Variants in RDM1 observed in about 807,000 individuals in gnomAD.
RDM1 encodes the protein RAD52 motif containing 1.
RDM1 carries 28 observed loss-of-function variants against 27.7 expected under a neutral mutation model. The observed-to-expected ratio is 1.01, with a 90% CI of 0.75 to 1.39. The LOEUF is 1.39. Ranked by LOEUF, RDM1 falls within the 40% of genes most tolerant of loss-of-function variation. The pLI is 0.00. For synonymous variants in RDM1, 124 were observed against 127.5 expected, an observed-to-expected ratio of 0.97 and a Z score of 0.19; for missense variants, 277 against 337.3, an observed-to-expected ratio of 0.82 and a Z score of 1.40.
At chr17:35,928,221 A>G (rs564569429) in intron 2 of RDM1, among the ~76,000 whole-genome samples, 1 of 152,360 alleles carries the variant, frequency 6.6e-6, no homozygotes, top group African/African-American at 2.4e-5. Context: ...GAATTGAGGC[A>G]TACAATGAGA....
intron 2 of RDM1, 41 bp downstream of exon 2, chr17:35,930,035 C>G: frequency 1.1e-4 from 163 of 1,545,636 alleles, no homozygotes; most frequent in Middle Eastern, 2.2e-4. Context: ...GAATTCAGCA[C>G]TTCATTTCAG....
chr17:35,930,039 A>G (rs2141956282), intron 2 of RDM1, 37 bp downstream of exon 2: 2 of 1,569,836 alleles, frequency 1.3e-6, no homozygotes, highest in East Asian at 4.5e-5. Context: ...TCAGCACTTC[A>G]TTTCAGCGGA....
intron 2 of RDM1, among the ~76,000 whole-genome samples, 190 bp from the exon 3 acceptor site, chr17:35,925,827 TACTA>T (rs2089128317): frequency 6.6e-6 from 1 of 152,098 alleles, no homozygotes; most frequent in Non-Finnish European, 1.5e-5. Context: ...CTCCCCAAGT[TACTA>T]ACCCGTTAAA....
chr17:35,918,297 T>C lies in RDM1; in HGVS notation c.*45A>G, dbSNP rs1279354236. The C allele has an allele frequency of 6.4e-7, 1 of 1,555,022 alleles. No individual in the cohort carries two copies. The highest frequency in any genetic ancestry group is 8.9e-7 in the Non-Finnish European group (1 of 1,128,888). On this transcript the variant is annotated 3_prime_UTR_variant, in exon 7 of 7. Transcript: ENST00000620284. ...GCGTGGGGTAGGGGCACGACAGAGC[T>C]TCCCAAGGAAGTTACATGACCTCGC...
intron 4 of RDM1, among the ~76,000 whole-genome samples, chr17:35,923,678 T>C (rs1420011083): frequency 6.6e-6 from 1 of 151,722 alleles, no homozygotes; most frequent in African/African-American, 2.4e-5. Context: ...AGAAAAAACT[T>C]TGGTACAGAT....
intron 2 of RDM1, among the ~76,000 whole-genome samples, chr17:35,928,821 G>T (rs1443960260): frequency 6.7e-6 from 1 of 149,192 alleles, no homozygotes; most frequent in Non-Finnish European, 1.5e-5. Context: ...CACACCTGTA[G>T]TCCCAGCACT....
intron 1 of RDM1, 27 bp from the exon 2 acceptor site, chr17:35,930,282 T>A (rs772152117): frequency 1.1e-5 from 18 of 1,613,836 alleles, no homozygotes; most frequent in Non-Finnish European, 1.4e-5. Context: ...AGTAAATGCA[T>A]GAAATCTCAC....
In RDM1 at chr17:35,929,602, C is replaced by T. The variant is rs139758301; in HGVS notation, c.276+474G>A. ...GACTACAGGCGCATGCCACCATGCC[C>T]GGCTAGTTTTTGTATTTATAGTACA... On this transcript the variant is annotated intron_variant, in intron 2 of 6. Transcript: ENST00000620284. 4.3e-4 allele frequency among the ~76,000 whole-genome samples: 65 copies of T among 152,192 alleles called. No individual in the cohort carries two copies. In the East Asian group the frequency reaches 6.6e-3, roughly 15 times the overall value.
intron 5 of RDM1, among the ~76,000 whole-genome samples, chr17:35,921,907 C>T (rs895594610): frequency 3.4e-5 from 5 of 149,152 alleles, no homozygotes; most frequent in African/African-American, 7.4e-5. Context: ...CCTAAAATTG[C>T]ATTAAAAAAT....
intron 4 of RDM1, 26 bp downstream of exon 4, chr17:35,924,578 C>T (rs369670109): frequency 6.3e-7 from 1 of 1,594,520 alleles, no homozygotes; most frequent in Non-Finnish European, 8.6e-7. Context: ...AATCCCTACC[C>T]TCCTCCACTC....
At chr17:35,926,458 C>G (rs1288474153) in intron 2 of RDM1, among the ~76,000 whole-genome samples, 1 of 151,782 alleles carries the variant, frequency 6.6e-6, no homozygotes, top group Non-Finnish European at 1.5e-5. Context: ...GGCTGGAGTG[C>G]AGTGGCGCGA....
intron 4 of RDM1, among the ~76,000 whole-genome samples, chr17:35,924,129 G>A (rs1391615205): frequency 6.6e-6 from 1 of 152,172 alleles, no homozygotes; most frequent in East Asian, 1.9e-4. Context: ...GCTGAGGCAG[G>A]AGGATCCCTT....
chr17:35,918,391 G>A lies in RDM1; in HGVS notation c.806C>T (p.Ser269Leu), dbSNP rs755356131. 4.3e-6 allele frequency: 7 copies of A among 1,614,100 alleles called. No homozygotes were observed. Among genetic ancestry groups the A allele is most frequent in the South Asian group, 2.2e-5 (2 of 91,080 alleles). Reference sequence around the variant, plus strand: ...CTCTTCCTCCTCCAAGCTGAAATCCGAGAGATACCCTTCCTCCTCTTGGCC... The same window carrying A: ...CTCTTCCTCCTCCAAGCTGAAATCCAAGAGATACCCTTCCTCCTCTTGGCC... ...QYGQEEEGYL[S>L]DFSLEEEEFR... The change falls in exon 7 of 7, where the codon TCG becomes TTG. Residue 269 changes from serine to leucine, a missense_variant. Coordinates refer to ENST00000620284, the MANE Select transcript of RDM1 (RefSeq NM_145654.4).
At chr17:35,920,126 G>T in intron 6 of RDM1, 61 bp downstream of exon 6, 3 of 827,204 alleles carry the variant, frequency 3.6e-6, no homozygotes, top group South Asian at 1.5e-5. Flanking sequence ...AAATTATGCT[G>T]CTTTTTTTTG....
rs546265173 is a variant in RDM1, at chr17:35,920,127, CT to C, written c.753+59del. Reference sequence around the variant, plus strand: ...ACAAATTATCCTCCAAATTATGCTGCTTTTTTTTGAATTATGGTTACACTGG... The same window carrying C: ...ACAAATTATCCTCCAAATTATGCTGCTTTTTTTGAATTATGGTTACACTGG... On this transcript the variant is annotated intron_variant, in intron 6 of 6. Coordinates refer to ENST00000620284, the MANE Select transcript of RDM1 (RefSeq NM_145654.4). 223 of 835,904 alleles carry C rather than the reference CT, an allele frequency of 2.7e-4. 1 individual carries two copies. Among genetic ancestry groups the C allele is most frequent in the South Asian group, 3.8e-4 (25 of 64,962 alleles). The allele number at this position is 835,904 out of a possible 1,614,324, so 51.8% of individuals were successfully genotyped here. A position where few individuals can be genotyped will look rare whatever the true frequency, so the allele number is the denominator to read the frequency against.
At chr17:35,925,924 G>A (rs534824399) in intron 2 of RDM1, among the ~76,000 whole-genome samples, 2 of 152,146 alleles carry the variant, frequency 1.3e-5, no homozygotes, top group African/African-American at 4.8e-5. Flanking sequence ...CACAAAGTCA[G>A]GATATCGAGA....
chr17:35,927,612 G>C (rs1233723035), intron 2 of RDM1, among the ~76,000 whole-genome samples: 1 of 151,832 alleles, frequency 6.6e-6, no homozygotes, highest in East Asian at 1.9e-4. Context: ...AAGTAGAAAA[G>C]AACACTTAAA....
At chr17:35,922,395 C>CAT in intron 5 of RDM1, 182 bp downstream of exon 5, 2 of 707,876 alleles carry the variant, frequency 2.8e-6, no homozygotes, top group Non-Finnish European at 2.2e-6. Context: ...TATTTGCTGT[C>CAT]ATTTTTTTTC....
chr17:35,927,362 C>A (rs1341720140), intron 2 of RDM1, among the ~76,000 whole-genome samples: 1 of 152,022 alleles, frequency 6.6e-6, no homozygotes, highest in Non-Finnish European at 1.5e-5. Flanking sequence ...ATCAATTAAA[C>A]CCGGGAGGCA....
Sources: allele counts gnomAD v4.1 joint callset (sites outside exome capture counted in the v4.1 genomes callset), GRCh38; gene constraint gnomAD v4.1.1; transcripts MANE v1.5; gene names NCBI Gene and HGNC (gene_info 2026-07-23, HGNC 2026-07-21).